Variants in SV2C observed in about 807,000 individuals in gnomAD.
The protein encoded by SV2C is synaptic vesicle glycoprotein 2C, also known as solute carrier family 22 member B3.
SV2C carries 49 observed loss-of-function variants against 79.7 expected under a neutral mutation model. That is an observed-to-expected ratio of 0.61 (90% CI 0.49 to 0.78). The LOEUF (loss-of-function observed/expected upper bound fraction) is 0.78, where lower values mean the gene tolerates loss of function less well. Among genes scored for constraint, SV2C ranks in the 30% least tolerant of loss-of-function variants. SV2C has a pLI of 0.00. For synonymous variants in SV2C, 334 were observed against 333.2 expected (o/e 1.00, Z -0.03); for missense variants, 833 against 912.9 (o/e 0.91, Z 1.13).
chr5:76,198,383 CCT>C (rs1262654771), intron 3 of SV2C, among the ~76,000 whole-genome samples: 6 of 152,158 alleles, frequency 3.9e-5, no homozygotes, highest in East Asian at 3.9e-4. Flanking sequence ...ACCCCCCAGC[CCT>C]CTCTTTTGCT....
At chr5:76,092,103 T>TGATTCTA (rs1300373347) in intron 1 of SV2C, among the ~76,000 whole-genome samples, 2 of 152,204 alleles carry the variant, frequency 1.3e-5, no homozygotes, top group Non-Finnish European at 2.9e-5. Flanking sequence ...CGATATAGTA[T>TGATTCTA]GATTCTACTA....
intron 4 of SV2C, among the ~76,000 whole-genome samples, chr5:76,224,739 G>A (rs1170361746): frequency 6.6e-6 from 1 of 152,140 alleles, no homozygotes; most frequent in Non-Finnish European, 1.5e-5. Context: ...TCCCCAGAAG[G>A]AGTACTCCCT....
the SV2C span, among the ~76,000 whole-genome samples, chr5:76,027,119 T>C: frequency 6.8e-6 from 1 of 146,688 alleles, no homozygotes; most frequent in Non-Finnish European, 1.5e-5. Flanking sequence ...TGGAGTGCAA[T>C]GGCATGATCT....
chr5:76,350,781 C>T (rs961888793), intron 12 of SV2C, among the ~76,000 whole-genome samples: 3 of 151,960 alleles, frequency 2.0e-5, no homozygotes, highest in African/African-American at 7.3e-5. Context: ...TTTGGGAGGC[C>T]GAGGAAGGTG....
intron 1 of SV2C, among the ~76,000 whole-genome samples, chr5:76,120,553 T>C (rs1003179585): frequency 1.0e-4 from 13 of 125,586 alleles, no homozygotes; most frequent in African/African-American, 4.1e-4. Context: ...GTGTGTGATG[T>C]TCCCCTTCCT....
chr5:75,860,090 T>C, the SV2C span, among the ~76,000 whole-genome samples: 2 of 152,130 alleles, frequency 1.3e-5, no homozygotes, highest in Non-Finnish European at 2.9e-5. Flanking sequence ...CCAGGTGGTG[T>C]GGGGCTGGTT....
chr5:76,277,777 C>T (rs1171517269), intron 4 of SV2C, among the ~76,000 whole-genome samples: 2 of 151,264 alleles, frequency 1.3e-5, no homozygotes, highest in Non-Finnish European at 2.9e-5. Context: ...AAACAGATTC[C>T]AAAAGCTATG....
intron 4 of SV2C, among the ~76,000 whole-genome samples, chr5:76,239,341 A>T (rs1745710463): frequency 6.6e-6 from 1 of 152,216 alleles, no homozygotes; most frequent in Non-Finnish European, 1.5e-5. Flanking sequence ...ATCAAAGGAG[A>T]TAGCAGAGCA....
chr5:76,235,505 A>T (rs1745583620), intron 4 of SV2C, among the ~76,000 whole-genome samples: 1 of 152,234 alleles, frequency 6.6e-6, no homozygotes, highest in Admixed American at 6.5e-5. Flanking sequence ...AAATAAAAAT[A>T]ATAAAAATCA....
At chr5:76,252,283 C>T (rs1460022791) in intron 4 of SV2C, among the ~76,000 whole-genome samples, 1 of 152,156 alleles carries the variant, frequency 6.6e-6, no homozygotes, top group East Asian at 1.9e-4. Context: ...CCATGCCCAG[C>T]TAATTTTTTG....
At chr5:76,009,991 G>C in the SV2C span, among the ~76,000 whole-genome samples, 3 of 112,640 alleles carry the variant, frequency 2.7e-5, no homozygotes, top group South Asian at 9.9e-4. Context: ...TATCTATTTT[G>C]TTTTTTTTTT....
chr5:76,057,532 T>C, the SV2C span, among the ~76,000 whole-genome samples: 17 of 152,282 alleles, frequency 1.1e-4, no homozygotes, highest in African/African-American at 4.1e-4. Context: ...AAGTTTTAAA[T>C]AAAATTAGCT....
chr5:76,084,258 C>T (rs944980841), intron 1 of SV2C: 1 of 152,274 alleles, frequency 6.6e-6, no homozygotes, highest in Non-Finnish European at 1.5e-5. Flanking sequence ...GAAGCAGACC[C>T]GAGGCTGTGA....
intron 1 of SV2C, among the ~76,000 whole-genome samples, chr5:76,100,820 C>A (rs1449292323): frequency 2.6e-5 from 4 of 152,150 alleles, no homozygotes; most frequent in African/African-American, 7.2e-5. Context: ...CCAGATAATT[C>A]TTTGTTGACA....
the SV2C span, among the ~76,000 whole-genome samples, chr5:75,948,883 T>C: frequency 6.6e-6 from 1 of 151,876 alleles, no homozygotes; most frequent in Non-Finnish European, 1.5e-5. Flanking sequence ...ACATACGACT[T>C]TGAAGGCTTT....
intron 1 of SV2C, among the ~76,000 whole-genome samples, chr5:76,101,374 T>G (rs1747737402): frequency 6.6e-6 from 1 of 152,050 alleles, no homozygotes; most frequent in African/African-American, 2.4e-5. Context: ...CAGTTAGGAG[T>G]GGCCAATTTC....
the SV2C span, among the ~76,000 whole-genome samples, chr5:76,031,745 C>G: frequency 1.3e-5 from 2 of 152,190 alleles, no homozygotes; most frequent in African/African-American, 4.8e-5. Flanking sequence ...ACTCTAATAC[C>G]ATCAGCTTGA....
the SV2C span, among the ~76,000 whole-genome samples, chr5:76,005,100 C>A: frequency 6.6e-6 from 1 of 152,174 alleles, no homozygotes; most frequent in African/African-American, 2.4e-5. Context: ...GCCAGCAGGA[C>A]TTTAAATAGC....
the SV2C span, among the ~76,000 whole-genome samples, chr5:76,032,948 T>A: frequency 1.3e-5 from 2 of 152,312 alleles, no homozygotes; most frequent in South Asian, 4.1e-4. Context: ...TCTAACTGGT[T>A]TGAGATGGTA....
Sources: gnomAD v4.1 joint callset for allele counts (sites outside exome capture counted in the v4.1 genomes callset) on GRCh38, gnomAD v4.1.1 for gene constraint, MANE v1.5 for transcripts, NCBI Gene and HGNC (gene_info 2026-07-23, HGNC 2026-07-21) for gene names.